The following ZNF782 variants were observed in gnomAD, a reference collection of about 807,000 sequenced individuals.
ZNF782 encodes zinc finger protein 782.
A neutral mutation model predicts 13.0 loss-of-function variants in ZNF782; 12 were observed. The observed-to-expected ratio is 0.92, with a 90% confidence interval of 0.59 to 1.50. The LOEUF (loss-of-function observed/expected upper bound fraction) is 1.50. Among genes scored for constraint, ZNF782 ranks in the 40% most tolerant of loss-of-function variants. The probability of loss-of-function intolerance (pLI) is 0.00; values close to 1 mark genes in which losing one functional copy is unlikely to be tolerated. For synonymous variants in ZNF782, 284 were observed against 283.0 expected, an observed-to-expected ratio of 1.00 and a Z score of -0.04; for missense variants, 770 against 822.9, an observed-to-expected ratio of 0.94 and a Z score of 0.79.
At chr9:96,842,441 C>A (rs1314234849) in intron 4 of ZNF782, among the ~76,000 whole-genome samples, 1 of 151,928 alleles carries the variant, frequency 6.6e-6, no homozygotes, top group Non-Finnish European at 1.5e-5. Flanking sequence ...GTACAGCCAA[C>A]TGATTTTTGA....
the ZNF782 span, among the ~76,000 whole-genome samples, chr9:96,930,352 C>T: frequency 0.062 from 9,491 of 152,044 alleles, 975 homozygotes; most frequent in African/African-American, 0.21. Context: ...GGTGAAACCC[C>T]GTCTCTACTA....
At chr9:96,917,929 TAGATGGGG>T in the ZNF782 span, among the ~76,000 whole-genome samples, 20 of 147,624 alleles carry the variant, frequency 1.4e-4, no homozygotes, top group African/African-American at 5.1e-4. Flanking sequence ...TGTGTGTGTG[TAGATGGGG>T]GTCTGTGTTG....
the ZNF782 span, among the ~76,000 whole-genome samples, chr9:96,931,102 G>T: frequency 6.6e-6 from 1 of 151,846 alleles, no homozygotes; most frequent in Non-Finnish European, 1.5e-5. Flanking sequence ...TGGCCAGACT[G>T]GTCTTCAACT....
chr9:96,844,608 A>C (rs1851292357), intron 4 of ZNF782, among the ~76,000 whole-genome samples: 1 of 152,168 alleles, frequency 6.6e-6, no homozygotes, highest in Non-Finnish European at 1.5e-5. Context: ...GACTCACTGC[A>C]AAGGGCTACA....
At chr9:96,911,483 T>C in the ZNF782 span, among the ~76,000 whole-genome samples, 4 of 149,104 alleles carry the variant, frequency 2.7e-5, no homozygotes, top group Non-Finnish European at 5.9e-5. Flanking sequence ...TGTTGTCATT[T>C]TTGCTTTTCT....
chr9:96,885,793 T>TTTCC, the ZNF782 span, among the ~76,000 whole-genome samples: 6 of 152,084 alleles, frequency 3.9e-5, no homozygotes, highest in East Asian at 1.9e-4. Context: ...ATAACTTATT[T>TTTCC]TTCCTTCCTT....
chr9:96,839,667 C>A (rs903102729), intron 4 of ZNF782, among the ~76,000 whole-genome samples: 1 of 152,122 alleles, frequency 6.6e-6, no homozygotes, highest in African/African-American at 2.4e-5. Context: ...CTCACCCCCC[C>A]CACCTGCTAA....
At chr9:96,908,173 G>GT in the ZNF782 span, among the ~76,000 whole-genome samples, 27 of 148,726 alleles carry the variant, frequency 1.8e-4, no homozygotes, top group East Asian at 9.8e-4. Flanking sequence ...TCAATAAATG[G>GT]TTTTTTTTGT....
chr9:96,911,414 G>A, the ZNF782 span, among the ~76,000 whole-genome samples: 1 of 125,158 alleles, frequency 8.0e-6, no homozygotes, highest in Admixed American at 7.9e-5. Flanking sequence ...ACTCCGGCCT[G>A]GGCAACAGAG....
chr9:96,867,099 G>T (rs968312409), intron 1 of ZNF782, among the ~76,000 whole-genome samples: 3 of 152,208 alleles, frequency 2.0e-5, no homozygotes, highest in African/African-American at 7.2e-5. Flanking sequence ...CTGTTGGGAA[G>T]GCATGATTGG....
At chr9:96,895,955 A>G in the ZNF782 span, 3 of 152,208 alleles carry the variant, frequency 2.0e-5, no homozygotes, top group African/African-American at 7.2e-5. Flanking sequence ...TAGAGCTTGC[A>G]GAGATTAGTA....
intron 1 of ZNF782, among the ~76,000 whole-genome samples, chr9:96,873,079 GTT>G (rs59643114): frequency 1.7e-4 from 25 of 146,708 alleles, no homozygotes; most frequent in African/African-American, 5.9e-4. Flanking sequence ...ATCACTGTTA[GTT>G]TTTTTTTTTT....
chr9:96,876,822 A>T (rs1033848778), upstream of ZNF782, among the ~76,000 whole-genome samples: 2 of 151,982 alleles, frequency 1.3e-5, no homozygotes, highest in Non-Finnish European at 2.9e-5. Context: ...CCTGTGCAAC[A>T]CGGTGAAACC....
the ZNF782 span, chr9:96,931,976 C>A: frequency 2.5e-6 from 4 of 1,611,428 alleles, no homozygotes; most frequent in East Asian, 4.5e-5. Context: ...AGAAGTGGGG[C>A]CTGTGAAGCC....
the ZNF782 span, among the ~76,000 whole-genome samples, chr9:96,907,619 T>C: frequency 6.6e-6 from 1 of 151,768 alleles, no homozygotes; most frequent in Admixed American, 6.6e-5. Flanking sequence ...CCTTGATTTC[T>C]GTAACTTGAT....
the ZNF782 span, among the ~76,000 whole-genome samples, chr9:96,911,520 TG>T: frequency 1.1e-4 from 16 of 145,652 alleles, no homozygotes; most frequent in South Asian, 1.1e-3. Flanking sequence ...GTTTTTGTTT[TG>T]TTTTGTTTTT....
the ZNF782 span, among the ~76,000 whole-genome samples, chr9:96,932,745 T>C: frequency 2.2e-4 from 33 of 150,940 alleles, 1 homozygote; most frequent in South Asian, 1.5e-3. Flanking sequence ...CTCCGCCTCC[T>C]GGGTTCAAGT....
intron 1 of ZNF782, among the ~76,000 whole-genome samples, chr9:96,872,691 T>A (rs1851841696): frequency 6.6e-6 from 1 of 152,224 alleles, no homozygotes; most frequent in African/African-American, 2.4e-5. Context: ...CATGCCTCTA[T>A]GTAAGACATA....
chr9:96,879,555 G>C (rs1299099167), upstream of ZNF782, among the ~76,000 whole-genome samples: 2 of 152,112 alleles, frequency 1.3e-5, no homozygotes, highest in South Asian at 4.1e-4. Flanking sequence ...CTAATAAAAG[G>C]GACTTTTACA....
Sources: gnomAD v4.1 joint callset for allele counts (sites outside exome capture counted in the v4.1 genomes callset) on GRCh38, gnomAD v4.1.1 for gene constraint, MANE v1.5 for transcripts, NCBI Gene and HGNC (gene_info 2026-07-23, HGNC 2026-07-21) for gene names.